The following MYO16 variants were observed in gnomAD, a reference collection of about 807,000 sequenced individuals.
MYO16 encodes myosin XVI, also known as unconventional myosin-XVI.
A neutral mutation model predicts 205.3 loss-of-function variants in MYO16; 94 were observed. That is an observed-to-expected ratio of 0.46 (90% CI 0.39 to 0.54). The LOEUF (loss-of-function observed/expected upper bound fraction) is 0.54, where lower values mean the gene tolerates loss of function less well. MYO16 is among the 20% of genes least tolerant of loss of function. The pLI is 0.00. For synonymous variants in MYO16, 988 were observed against 954.0 expected, an observed-to-expected ratio of 1.04 and a Z score of -0.66; for missense variants, 2,315 against 2,387.5, an observed-to-expected ratio of 0.97 and a Z score of 0.63.
intron 7 of MYO16, among the ~76,000 whole-genome samples, chr13:108,807,449 T>TA (rs925456466): frequency 1.3e-5 from 2 of 152,144 alleles, no homozygotes; most frequent in Admixed American, 6.6e-5. Flanking sequence ...GCACCTCCTG[T>TA]AAAAAAAGAT....
chr13:108,952,460 C>CT (rs1340502417), intron 16 of MYO16, among the ~76,000 whole-genome samples: 4 of 152,138 alleles, frequency 2.6e-5, no homozygotes, highest in Non-Finnish European at 5.9e-5. Context: ...AAAATAATGG[C>CT]TTCTTTTGTG....
chr13:108,746,209 A>G (rs1885057865), intron 4 of MYO16, among the ~76,000 whole-genome samples: 1 of 152,062 alleles, frequency 6.6e-6, no homozygotes, highest in South Asian at 2.1e-4. Flanking sequence ...ATAAAATAAA[A>G]GATAAATAAA....
chr13:108,798,305 TCA>T (rs1392435862), intron 6 of MYO16, among the ~76,000 whole-genome samples: 2 of 152,220 alleles, frequency 1.3e-5, no homozygotes, highest in Non-Finnish European at 2.9e-5. Context: ...GCATAAATTT[TCA>T]CAGTGTTAAA....
At chr13:108,729,261 C>G (rs552080926) in intron 4 of MYO16, among the ~76,000 whole-genome samples, 1 of 152,038 alleles carries the variant, frequency 6.6e-6, no homozygotes, top group Non-Finnish European at 1.5e-5. Context: ...TTGAAAAAAA[C>G]TATAAAATAT....
At chr13:108,702,350 T>C (rs1343041283) in intron 2 of MYO16, among the ~76,000 whole-genome samples, 1 of 152,194 alleles carries the variant, frequency 6.6e-6, no homozygotes, top group East Asian at 1.9e-4. Flanking sequence ...GATTAACAGC[T>C]GACTTCTAAT....
rs551901294 is a variant in MYO16 at position 108,697,289 on chromosome 13, G to A, written c.293-15372G>A. On this transcript the variant is annotated intron_variant, in intron 2 of 34. Transcript: ENST00000457511. Reference sequence around the variant, plus strand: ...CCTTCATTCTCTCTTGCTGCTAGATGCCCTTTCTTTACTTCCGGGACCACC... The same window carrying A: ...CCTTCATTCTCTCTTGCTGCTAGATACCCTTTCTTTACTTCCGGGACCACC... Among the ~76,000 whole-genome samples, 12 of 152,244 alleles carry A rather than the reference G, an allele frequency of 7.9e-5. 1 individual carries two copies. The East Asian group carries it at 2.3e-3, about 29-fold the overall frequency.
chr13:108,747,198 G>C (rs1279176397), intron 4 of MYO16, among the ~76,000 whole-genome samples: 1 of 152,088 alleles, frequency 6.6e-6, no homozygotes, highest in Non-Finnish European at 1.5e-5. Context: ...AAATTGTATA[G>C]GTCAGAATCT....
At chr13:109,053,841 G>T (rs1887328398) in intron 25 of MYO16, among the ~76,000 whole-genome samples, 1 of 152,162 alleles carries the variant, frequency 6.6e-6, no homozygotes, top group Admixed American at 6.5e-5. Flanking sequence ...GTTGTATTGT[G>T]TTTGTAGAAA....
chr13:108,573,249 G>A, the MYO16 span, among the ~76,000 whole-genome samples: 41 of 152,310 alleles, frequency 2.7e-4, no homozygotes, highest in Admixed American at 7.8e-4. Context: ...ACCCAGTGCA[G>A]TGGTTATCTT....
chr13:108,668,156 TA>T (rs1881823691), intron 2 of MYO16, among the ~76,000 whole-genome samples: 10 of 152,354 alleles, frequency 6.6e-5, no homozygotes, highest in Admixed American at 6.5e-4. Flanking sequence ...AATTACTAAC[TA>T]AAAAGCCAAG....
chr13:108,747,527 A>G (rs1477513837), intron 4 of MYO16, among the ~76,000 whole-genome samples: 1 of 152,144 alleles, frequency 6.6e-6, no homozygotes, highest in East Asian at 1.9e-4. Flanking sequence ...AAAATTTTTC[A>G]AAAGTATAAT....
intron 4 of MYO16, among the ~76,000 whole-genome samples, chr13:108,749,043 A>T (rs1256778477): frequency 6.6e-6 from 1 of 152,110 alleles, no homozygotes; most frequent in Non-Finnish European, 1.5e-5. Flanking sequence ...GGTTTTTTTG[A>T]CATCTAAAAT....
At chr13:108,920,694 G>A (rs1027824685) in intron 16 of MYO16, among the ~76,000 whole-genome samples, 6 of 152,108 alleles carry the variant, frequency 3.9e-5, no homozygotes, top group Admixed American at 1.3e-4. Context: ...CCTTACCTCT[G>A]GTGATCTGCC....
At chr13:108,781,107 C>A (rs1305043679) in intron 4 of MYO16, among the ~76,000 whole-genome samples, 2 of 152,160 alleles carry the variant, frequency 1.3e-5, no homozygotes, top group Non-Finnish European at 2.9e-5. Context: ...TAATTGTATT[C>A]ACTATCACCT....
chr13:109,114,647 G>C lies in MYO16; in HGVS notation c.3439-5723G>C, dbSNP rs73619911. The stretch of plus-strand genomic sequence containing the variant: ...GATATCACAAGTGCACATTTCCTTA[G>C]AGGAAATTGTACTATTATTCCGAAA... On this transcript the variant is annotated intron_variant, in intron 28 of 34. Coordinates refer to ENST00000457511, the MANE Select transcript of MYO16 (RefSeq NM_001198950.3). Among the ~76,000 whole-genome samples the C allele has an allele frequency of 4.2e-3, 637 of 152,276 alleles. 4 individuals carry two copies. Among genetic ancestry groups the C allele is most frequent in the African/African-American group, 0.014 (580 of 41,570 alleles).
chr13:108,568,482 A>G, the MYO16 span, among the ~76,000 whole-genome samples: 115 of 152,114 alleles, frequency 7.6e-4, no homozygotes, highest in Non-Finnish European at 1.5e-3. Flanking sequence ...GGCTGTTTGT[A>G]TATCTTCTTT....
At chr13:109,167,986 G>C (rs1878758662) in intron 33 of MYO16, among the ~76,000 whole-genome samples, 1 of 152,018 alleles carries the variant, frequency 6.6e-6, no homozygotes, top group African/African-American at 2.4e-5. Flanking sequence ...AAATTTGGAG[G>C]GGTAAAATAA....
chr13:109,042,696 A>G (rs144931334), intron 23 of MYO16, among the ~76,000 whole-genome samples: 183 of 152,330 alleles, frequency 1.2e-3, no homozygotes, highest in African/African-American at 4.0e-3. Context: ...ATATCTTATG[A>G]ATAGGGTCAA....
Position 109,095,165 on chromosome 13 carries a change from G to A in MYO16, c.3336-5620G>A, listed in dbSNP as rs756222923. Among the ~76,000 whole-genome samples the A allele has an allele frequency of 3.3e-5, 5 of 152,200 alleles. No individual in the cohort carries two copies. In the East Asian group the frequency reaches 9.6e-4, roughly 29 times the overall value. The stretch of plus-strand genomic sequence containing the variant: ...CAGGAAGAGCAGGCTGTCTGGAAAG[G>A]CTCATGTTTACTTTTTACAGTCCAT... On this transcript the variant is annotated intron_variant, in intron 27 of 34. Transcript: ENST00000457511.
Sources: allele counts gnomAD v4.1 joint callset (sites outside exome capture counted in the v4.1 genomes callset), GRCh38; gene constraint gnomAD v4.1.1; transcripts MANE v1.5; gene names NCBI Gene and HGNC (gene_info 2026-07-23, HGNC 2026-07-21).